PKP4: variants seen among roughly 807,000 people sequenced by gnomAD.
The protein encoded by PKP4 is plakophilin 4.
In PKP4, 90 loss-of-function variants were observed where a neutral mutation model predicts 145.1. The observed-to-expected ratio is 0.62, with a 90% CI of 0.52 to 0.74. The LOEUF (loss-of-function observed/expected upper bound fraction) is 0.74. PKP4 is among the 30% of genes least tolerant of loss of function. The pLI is 0.00. For synonymous variants in PKP4, 563 were observed against 577.2 expected, an observed-to-expected ratio of 0.98 and a Z score of 0.35; for missense variants, 1,340 against 1,482.7, an observed-to-expected ratio of 0.90 and a Z score of 1.58.
chr2:158,668,753 C>A (rs1265404488), intron 16 of PKP4, among the ~76,000 whole-genome samples: 1 of 152,216 alleles, frequency 6.6e-6, no homozygotes, highest in Non-Finnish European at 1.5e-5. Context: ...CAGAGCCTTC[C>A]CTCTGACGTG....
chr2:158,556,639 A>T (rs1432114421), intron 2 of PKP4, among the ~76,000 whole-genome samples: 1 of 151,942 alleles, frequency 6.6e-6, no homozygotes, highest in African/African-American at 2.4e-5. Flanking sequence ...CATAGAAGGC[A>T]CTGTTTATCA....
intron 3 of PKP4, among the ~76,000 whole-genome samples, chr2:158,578,664 C>T (rs1032369247): frequency 6.2e-4 from 95 of 152,176 alleles, no homozygotes; most frequent in African/African-American, 2.1e-3. Context: ...GTTTTTCTAA[C>T]CAGAATTATA....
At chr2:158,530,789 A>T (rs922065102) in intron 1 of PKP4, among the ~76,000 whole-genome samples, 1 of 151,984 alleles carries the variant, frequency 6.6e-6, no homozygotes, top group African/African-American at 2.4e-5. Context: ...CTCCTCATCT[A>T]ATGACTGTTC....
At chr2:158,663,506 A>G in intron 15 of PKP4, 61 bp downstream of exon 15, 1 of 1,374,610 alleles carries the variant, frequency 7.3e-7, no homozygotes, top group African/African-American at 1.4e-5. Flanking sequence ...TTGAAATGTT[A>G]TATATATATG....
At chr2:158,661,091 G>A in intron 12 of PKP4, 1 of 334,934 alleles carries the variant, frequency 3.0e-6, no homozygotes, top group South Asian at 4.7e-5. Flanking sequence ...GAGGGAATTA[G>A]AAAGTGACAC....
chr2:158,589,402 C>T (rs139869887), intron 3 of PKP4, among the ~76,000 whole-genome samples: 351 of 152,252 alleles, frequency 2.3e-3, no homozygotes, highest in African/African-American at 7.5e-3. Context: ...CCATTTACCT[C>T]CTTCTTGCCA....
chr2:158,589,124 A>G (rs981707670), intron 3 of PKP4, among the ~76,000 whole-genome samples: 1 of 152,110 alleles, frequency 6.6e-6, no homozygotes, highest in Non-Finnish European at 1.5e-5. Flanking sequence ...ATCCCTTTCT[A>G]TAATTATAGT....
intron 6 of PKP4, among the ~76,000 whole-genome samples, chr2:158,622,226 T>C (rs78394010): frequency 0.036 from 5,521 of 152,328 alleles, 239 homozygotes; most frequent in African/African-American, 0.1. Context: ...CTAGATAGAA[T>C]ACAGCTATTC....
intron 2 of PKP4, among the ~76,000 whole-genome samples, chr2:158,538,892 C>T (rs760598667): frequency 6.6e-6 from 1 of 152,068 alleles, no homozygotes; most frequent in Non-Finnish European, 1.5e-5. Context: ...AGCTTAGAAT[C>T]TAGATTTAAG....
intron 4 of PKP4, among the ~76,000 whole-genome samples, chr2:158,617,429 A>C (rs551614130): frequency 6.6e-6 from 1 of 152,156 alleles, no homozygotes; most frequent in Non-Finnish European, 1.5e-5. Flanking sequence ...TTGATTTCTT[A>C]TGCTAATTGT....
At chr2:158,533,492 G>A (rs754329818) in intron 2 of PKP4, 176 bp downstream of exon 2, 1 of 732,962 alleles carries the variant, frequency 1.4e-6, no homozygotes, top group Non-Finnish European at 2.4e-6. Context: ...CGCTCCAGGT[G>A]CCAGTCAGAA....
chr2:158,458,826 G>A (rs958729403), intron 1 of PKP4, among the ~76,000 whole-genome samples: 2 of 152,074 alleles, frequency 1.3e-5, no homozygotes, highest in African/African-American at 4.8e-5. Context: ...AATTCGGGAC[G>A]TGTCAGTTAC....
At chr2:158,535,659 G>T (rs893148554) in intron 2 of PKP4, among the ~76,000 whole-genome samples, 1 of 152,018 alleles carries the variant, frequency 6.6e-6, no homozygotes, top group Non-Finnish European at 1.5e-5. Context: ...GCCGCATGCA[G>T]TCCTCCTGCC....
At chr2:158,551,835 G>T (rs1396486213) in intron 2 of PKP4, among the ~76,000 whole-genome samples, 2 of 152,094 alleles carry the variant, frequency 1.3e-5, no homozygotes, top group South Asian at 2.1e-4. Context: ...TGCAGCTTTT[G>T]CAATATTAAG....
At chr2:158,484,499 T>C (rs192127217) in intron 1 of PKP4, among the ~76,000 whole-genome samples, 85 of 152,354 alleles carry the variant, frequency 5.6e-4, no homozygotes, top group African/African-American at 1.9e-3. Flanking sequence ...TTCCAGGTTA[T>C]ATGCATGTTG....
At chr2:158,588,097 G>C (rs1306752348) in intron 3 of PKP4, 1 of 151,980 alleles carries the variant, frequency 6.6e-6, no homozygotes, top group Admixed American at 6.6e-5. Flanking sequence ...CATTGTTGAA[G>C]TTTTACAATA....
intron 3 of PKP4, among the ~76,000 whole-genome samples, chr2:158,577,683 G>A (rs1275903361): frequency 1.3e-5 from 2 of 152,026 alleles, no homozygotes; most frequent in Non-Finnish European, 2.9e-5. Flanking sequence ...CTAATTATTT[G>A]GTAAAGTTAA....
At chr2:158,568,623 A>C (rs1254860399) in intron 2 of PKP4, among the ~76,000 whole-genome samples, 1 of 152,162 alleles carries the variant, frequency 6.6e-6, no homozygotes, top group East Asian at 1.9e-4. Context: ...TGATGGTCAT[A>C]TTGTCAAGTG....
intron 11 of PKP4, among the ~76,000 whole-genome samples, chr2:158,645,373 A>G (rs2054725237): frequency 6.6e-6 from 1 of 152,240 alleles, no homozygotes; most frequent in Non-Finnish European, 1.5e-5. Flanking sequence ...AAGTCAACAC[A>G]GTCACTGTGA....
Sources: allele counts gnomAD v4.1 joint callset (sites outside exome capture counted in the v4.1 genomes callset), GRCh38; gene constraint gnomAD v4.1.1; transcripts MANE v1.5; gene names NCBI Gene and HGNC (gene_info 2026-07-23, HGNC 2026-07-21).